Variants in RASEF observed in about 807,000 individuals in gnomAD.
The protein encoded by RASEF is RAS and EF-hand domain containing.
Under a neutral mutation model 90.1 loss-of-function variants are expected in RASEF, and 68 were observed. The observed-to-expected ratio is 0.75, with a 90% CI of 0.62 to 0.92. The LOEUF (loss-of-function observed/expected upper bound fraction) is 0.92. Ranked by LOEUF, RASEF falls within the 40% of genes least tolerant of loss-of-function variation. RASEF has a pLI of 0.00. For synonymous variants in RASEF, 331 were observed against 345.2 expected (o/e 0.96, Z 0.46); for missense variants, 949 against 937.2 (o/e 1.01, Z -0.16).
At chr9:83,091,569 A>T in the RASEF span, among the ~76,000 whole-genome samples, 2 of 152,114 alleles carry the variant, frequency 1.3e-5, no homozygotes, top group Admixed American at 6.5e-5. Flanking sequence ...AAATAAAAAT[A>T]AAAATAATTT....
At chr9:83,171,837 T>C in the RASEF span, among the ~76,000 whole-genome samples, 3 of 151,802 alleles carry the variant, frequency 2.0e-5, no homozygotes, top group Non-Finnish European at 4.4e-5. Flanking sequence ...TAGTGGTTTA[T>C]CAATTTTGTA....
chr9:83,047,291 A>T (rs1188077179), intron 1 of RASEF, among the ~76,000 whole-genome samples: 1 of 152,172 alleles, frequency 6.6e-6, no homozygotes, highest in Non-Finnish European at 1.5e-5. Context: ...AGAAAAAACG[A>T]AAAAGAAAAA....
chr9:83,013,995 AC>A (rs1829297603), intron 4 of RASEF, among the ~76,000 whole-genome samples: 1 of 152,186 alleles, frequency 6.6e-6, no homozygotes, highest in South Asian at 2.1e-4. Flanking sequence ...GGGCTTTCTT[AC>A]TGTTCAGACC....
At chr9:83,210,100 G>A in the RASEF span, among the ~76,000 whole-genome samples, 70 of 152,224 alleles carry the variant, frequency 4.6e-4, no homozygotes, top group African/African-American at 1.7e-3. Context: ...AATTTTCCAC[G>A]AGAAAAAGGA....
At chr9:83,191,128 A>G in the RASEF span, among the ~76,000 whole-genome samples, 1 of 152,240 alleles carries the variant, frequency 6.6e-6, no homozygotes, top group East Asian at 1.9e-4. Flanking sequence ...ACAGTGATAT[A>G]TCCCTGTAGT....
chr9:83,004,288 T>C (rs112462181), intron 9 of RASEF, among the ~76,000 whole-genome samples: 2,215 of 152,304 alleles, frequency 0.015, 51 homozygotes, highest in African/African-American at 0.051. Context: ...TATATAAAAC[T>C]AACTCATAAC....
At chr9:83,038,610 A>T (rs924489910) in intron 1 of RASEF, among the ~76,000 whole-genome samples, 3 of 152,096 alleles carry the variant, frequency 2.0e-5, no homozygotes, top group Non-Finnish European at 4.4e-5. Context: ...TTGCACATGC[A>T]CTTTTTAATA....
chr9:82,991,261 C>A (rs1330577981), intron 15 of RASEF, among the ~76,000 whole-genome samples: 1 of 152,202 alleles, frequency 6.6e-6, no homozygotes, highest in East Asian at 1.9e-4. Flanking sequence ...CACCTACCTA[C>A]TTTTGGGATT....
chr9:83,076,925 C>T, the RASEF span, among the ~76,000 whole-genome samples: 1 of 152,090 alleles, frequency 6.6e-6, no homozygotes, highest in African/African-American at 2.4e-5. Flanking sequence ...TCAGAAGTCA[C>T]TCATGACTGA....
chr9:83,173,967 G>A, the RASEF span, among the ~76,000 whole-genome samples: 1 of 151,704 alleles, frequency 6.6e-6, no homozygotes, highest in South Asian at 2.1e-4. Flanking sequence ...TTGCTTGCAG[G>A]AAGGTTCTAT....
At chr9:83,031,105 A>G (rs1410011235) in intron 1 of RASEF, among the ~76,000 whole-genome samples, 1 of 152,200 alleles carries the variant, frequency 6.6e-6, no homozygotes, top group Non-Finnish European at 1.5e-5. Context: ...AAATGTTTGC[A>G]TTGCATGAAG....
At chr9:83,094,044 C>T in the RASEF span, among the ~76,000 whole-genome samples, 1 of 152,058 alleles carries the variant, frequency 6.6e-6, no homozygotes, top group African/African-American at 2.4e-5. Context: ...TTATAAATCT[C>T]TATTCAGAAG....
chr9:83,097,509 C>A, the RASEF span, among the ~76,000 whole-genome samples: 11 of 152,176 alleles, frequency 7.2e-5, no homozygotes, highest in Non-Finnish European at 1.2e-4. Flanking sequence ...ACTCATCTGA[C>A]AAAGGGCTAA....
upstream of RASEF, among the ~76,000 whole-genome samples, chr9:83,063,773 C>G (rs73471438): frequency 0.023 from 3,505 of 152,266 alleles, 125 homozygotes; most frequent in African/African-American, 0.079. Context: ...ATGGAAATTA[C>G]ATATCCAAAG....
chr9:83,205,978 T>G, the RASEF span, among the ~76,000 whole-genome samples: 3 of 152,162 alleles, frequency 2.0e-5, no homozygotes, highest in African/African-American at 7.2e-5. Flanking sequence ...AAGTTGAAAA[T>G]CCTTCACTTT....
chr9:83,124,087 G>A, the RASEF span, among the ~76,000 whole-genome samples: 4 of 152,206 alleles, frequency 2.6e-5, no homozygotes, highest in Non-Finnish European at 1.5e-5. Context: ...TTTGCATAAT[G>A]TCTTCAAGGT....
chr9:83,087,290 C>T, the RASEF span, among the ~76,000 whole-genome samples: 1 of 152,128 alleles, frequency 6.6e-6, no homozygotes, highest in African/African-American at 2.4e-5. Context: ...GAGTTGGAGC[C>T]TCTGGGAGGC....
rs573217597 is a variant in RASEF, at chr9:82,982,508, A to C, written c.*169T>G. ...CAAATCACTCACTGAGACAAAACAA[A>C]GAAGAGCCAAAGTTCCAGAGGGACC... On this transcript the variant is annotated 3_prime_UTR_variant, in exon 17 of 17. Transcript: ENST00000376447. The C allele has an allele frequency of 1.8e-6, 1 of 553,782 alleles. No individual in the cohort carries two copies. Among genetic ancestry groups the C allele is most frequent in the Admixed American group, 3.0e-5 (1 of 33,396 alleles). 34.3% of individuals were successfully genotyped at this position (553,782 alleles called of 1,614,324 possible). A position where few individuals can be genotyped will look rare whatever the true frequency, so the allele number is the denominator to read the frequency against.
rs114161259 is a variant in RASEF at position 83,005,481 on chromosome 9, G to A, written c.1048C>T (p.His350Tyr). ...EILQTANRKL[H>Y]DSNDGLRSAL... ...CTTCTAAGGCCATCATTACTGTCAT[G>A]TAGCTTCCGGTTAGCTGTTCTGCAG... is the stretch of plus-strand genomic sequence containing the variant. Residue 350 changes from histidine to tyrosine, a missense_variant, in exon 8 of 17, where the codon CAT becomes TAT. Coordinates refer to ENST00000376447, the MANE Select transcript of RASEF (RefSeq NM_152573.4). The A allele has an allele frequency of 1.0e-3, 1,652 of 1,613,712 alleles. 7 individuals are homozygous for A. Among genetic ancestry groups the A allele is most frequent in the Middle Eastern group, 4.6e-3 (28 of 6,058 alleles).
Sources: allele counts gnomAD v4.1 joint callset (sites outside exome capture counted in the v4.1 genomes callset), GRCh38; gene constraint gnomAD v4.1.1; transcripts MANE v1.5; gene names NCBI Gene and HGNC (gene_info 2026-07-23, HGNC 2026-07-21).